Variants in KANSL1 observed in about 807,000 individuals in gnomAD.
The protein encoded by KANSL1 is KAT8 regulatory NSL complex subunit 1, also known as MLL1/MLL complex subunit KANSL1.
In KANSL1, 22 loss-of-function variants were observed where a neutral mutation model predicts 103.6. That is an observed-to-expected ratio of 0.21 (90% CI 0.15 to 0.30). The LOEUF is 0.30. Ranked by LOEUF, KANSL1 falls within the 10% of genes least tolerant of loss-of-function variation. The pLI is 1.00. For missense variants in KANSL1, 1,337 were observed against 1,399.8 expected (o/e 0.96, Z 0.72); for synonymous variants, 600 against 527.6 (o/e 1.14, Z -1.88).
intron 2 of KANSL1, among the ~76,000 whole-genome samples, chr17:46,100,986 T>C (rs924428395): frequency 6.6e-6 from 1 of 152,256 alleles, no homozygotes; most frequent in African/African-American, 2.4e-5. Context: ...TACACAGTGC[T>C]ACATTCACAC....
intron 2 of KANSL1, chr17:46,121,186 T>C (rs1385858392): frequency 1.3e-5 from 2 of 152,202 alleles, no homozygotes; most frequent in Non-Finnish European, 2.9e-5. Context: ...CTCTTTTTTT[T>C]TTTTTTGCTT....
intron 2 of KANSL1, among the ~76,000 whole-genome samples, chr17:46,097,822 T>TA (rs142221000): frequency 6.6e-6 from 1 of 150,378 alleles, no homozygotes; most frequent in South Asian, 2.1e-4. Context: ...ATGTCAAAAA[T>TA]AAAAAAGAAC....
At chr17:46,056,168 C>T (rs111259120) in intron 6 of KANSL1, among the ~76,000 whole-genome samples, 21,802 of 152,112 alleles carry the variant, frequency 0.14, 2,133 homozygotes, top group Non-Finnish European at 0.22. Flanking sequence ...TGGCTAATTT[C>T]TGTATTTTTA....
chr17:46,095,452 C>A (rs2042020135), intron 2 of KANSL1, among the ~76,000 whole-genome samples: 1 of 152,262 alleles, frequency 6.6e-6, no homozygotes, highest in South Asian at 2.1e-4. Context: ...AAACGTAGAA[C>A]TAGATACATA....
chr17:46,194,143 G>A (rs1397156196), upstream of KANSL1, among the ~76,000 whole-genome samples: 2 of 152,208 alleles, frequency 1.3e-5, no homozygotes, highest in Non-Finnish European at 2.9e-5. Flanking sequence ...GGGAGCCAGA[G>A]GGGAAGTGAT....
At position 46,030,905 on chromosome 17, in the gene KANSL1, AG is replaced by A. The variant is rs1347917130; in HGVS notation, c.*570del. On this transcript the variant is annotated 3_prime_UTR_variant, in exon 15 of 15. Transcript: ENST00000432791. Reference sequence around the variant, plus strand: ...CAGTCTCTTAAGTTCTGGGTGAGAAAGGAAAGGTGTTCTGCCAGCTGAGCAC... The same window carrying A: ...CAGTCTCTTAAGTTCTGGGTGAGAAAGAAAGGTGTTCTGCCAGCTGAGCAC... 1.3e-5 allele frequency: 2 copies of A among 152,888 alleles called. No individual in the cohort carries two copies. Among genetic ancestry groups the A allele is most frequent in the Admixed American group, 1.3e-4 (2 of 15,350 alleles). The allele number at this position is 152,888 out of a possible 1,614,324, so 9.5% of individuals were successfully genotyped here. A position where few individuals can be genotyped will look rare whatever the true frequency, so the allele number is the denominator to read the frequency against.
chr17:46,167,108 C>T, intron 2 of KANSL1, among the ~76,000 whole-genome samples: 1 of 148,782 alleles, frequency 6.7e-6, no homozygotes, highest in South Asian at 2.1e-4. Flanking sequence ...TCCAGGTACC[C>T]AGAACACTGC....
Position 46,105,582 on chromosome 17 carries a change from T to A in KANSL1, c.1290-10881A>T, listed in dbSNP as rs149309510. 2.0e-3 allele frequency among the ~76,000 whole-genome samples: 298 copies of A among 151,778 alleles called. 1 individual carries two copies. The highest frequency in any genetic ancestry group is 3.3e-3 in the Non-Finnish European group (223 of 67,902). ...AGTGAGTGAGATCACGCCATTGCACTCCAGACCAGGTGACAAGAGTGAAAC... is the reference window on the plus strand; with the variant it reads ...AGTGAGTGAGATCACGCCATTGCACACCAGACCAGGTGACAAGAGTGAAAC... On this transcript the variant is annotated intron_variant, in intron 2 of 14. Coordinates refer to ENST00000432791, the MANE Select transcript of KANSL1 (RefSeq NM_015443.4).
At chr17:46,091,416 GA>G (rs139736629) in intron 3 of KANSL1, among the ~76,000 whole-genome samples, 65 of 151,970 alleles carry the variant, frequency 4.3e-4, no homozygotes, top group East Asian at 9.7e-4. Context: ...ATTTATTATT[GA>G]AAAAAATATT....
At chr17:46,080,460 G>T (rs954749504) in intron 4 of KANSL1, among the ~76,000 whole-genome samples, 1 of 149,570 alleles carries the variant, frequency 6.7e-6, no homozygotes, top group Non-Finnish European at 1.5e-5. Flanking sequence ...TTTTTTTTAA[G>T]CAAAACTGAG....
upstream of KANSL1, chr17:46,193,740 T>G (rs973287351): frequency 1.7e-5 from 4 of 240,682 alleles, no homozygotes; most frequent in South Asian, 6.2e-5. Flanking sequence ...GCGGCCGAGG[T>G]GAGTCTAACC....
At chr17:46,136,437 C>T (rs1254558085) in intron 2 of KANSL1, among the ~76,000 whole-genome samples, 1 of 152,124 alleles carries the variant, frequency 6.6e-6, no homozygotes, top group African/African-American at 2.4e-5. Flanking sequence ...ATATCGTTAC[C>T]CTCTTCTGCT....
At chr17:46,203,074 T>G (rs949532364) in intron 1 of KANSL1, among the ~76,000 whole-genome samples, 1 of 152,038 alleles carries the variant, frequency 6.6e-6, no homozygotes, top group South Asian at 2.1e-4. Context: ...TCTACTAAAA[T>G]ACAAAAAATT....
At chr17:46,181,502 T>TCACTGCAACCTCCGCC (rs2046793263) in intron 1 of KANSL1, among the ~76,000 whole-genome samples, 1 of 152,162 alleles carries the variant, frequency 6.6e-6, no homozygotes, top group Non-Finnish European at 1.5e-5. Context: ...CGATCTCCGC[T>TCACTGCAACCTCCGCC]CACTGCAACC....
chr17:46,070,339 A>T (rs2078530036), intron 4 of KANSL1, among the ~76,000 whole-genome samples: 1 of 152,210 alleles, frequency 6.6e-6, no homozygotes, highest in African/African-American at 2.4e-5. Flanking sequence ...ATATAGTTGT[A>T]GTGACTAAAA....
intron 2 of KANSL1, among the ~76,000 whole-genome samples, chr17:46,112,513 C>T (rs577807051): frequency 6.6e-6 from 1 of 151,540 alleles, no homozygotes; most frequent in Admixed American, 6.6e-5. Context: ...GGTGAAACCC[C>T]ATCTCTACTA....
At chr17:46,068,212 C>T (rs2078451896) in intron 4 of KANSL1, among the ~76,000 whole-genome samples, 1 of 152,104 alleles carries the variant, frequency 6.6e-6, no homozygotes, top group South Asian at 2.1e-4. Context: ...TTAATATCTG[C>T]TTAACTCTAA....
intron 1 of KANSL1, among the ~76,000 whole-genome samples, chr17:46,215,778 C>T (rs1027629776): frequency 9.9e-5 from 15 of 152,218 alleles, no homozygotes; most frequent in African/African-American, 3.4e-4. Flanking sequence ...CAGTGGCTCA[C>T]GCCTGTAATC....
intron 4 of KANSL1, 39 bp downstream of exon 4, chr17:46,082,402 A>T (rs181610293): frequency 1.5e-6 from 2 of 1,352,796 alleles, no homozygotes; most frequent in Admixed American, 3.4e-5. Flanking sequence ...AACACCCTTA[A>T]TTCTCACGCA....
Sources: allele counts gnomAD v4.1 joint callset (sites outside exome capture counted in the v4.1 genomes callset), GRCh38; gene constraint gnomAD v4.1.1; transcripts MANE v1.5; gene names NCBI Gene and HGNC (gene_info 2026-07-23, HGNC 2026-07-21).